The following PIWIL4 variants were observed in gnomAD, a reference collection of about 807,000 sequenced individuals.
PIWIL4 encodes the protein piwi-like protein 4.
Under a neutral mutation model 100.9 loss-of-function variants are expected in PIWIL4, and 50 were observed. The ratio of observed to expected loss-of-function variants is 0.50; its 90% CI spans 0.39 to 0.63. PIWIL4 has a LOEUF of 0.63. PIWIL4 is among the 20% of genes least tolerant of loss of function. The probability of loss-of-function intolerance (pLI) is 0.00; values close to 1 mark genes in which losing one functional copy is unlikely to be tolerated. For missense variants in PIWIL4, 887 were observed against 1,043.3 expected, an observed-to-expected ratio of 0.85 and a Z score of 2.06; for synonymous variants, 342 against 367.5, an observed-to-expected ratio of 0.93 and a Z score of 0.79.
intron 3 of PIWIL4, among the ~76,000 whole-genome samples, chr11:94,577,042 G>T (rs936014688): frequency 3.3e-5 from 5 of 152,178 alleles, no homozygotes; most frequent in Admixed American, 2.6e-4. Context: ...ACAAGGACAG[G>T]AATGTCAGTG....
intron 16 of PIWIL4, chr11:94,617,736 A>G (rs1457193122): frequency 1.6e-5 from 8 of 496,382 alleles, no homozygotes; most frequent in East Asian, 1.3e-4. Flanking sequence ...ATATCATGCC[A>G]TAGAAACCAT....
At chr11:94,569,524 A>T (rs1397422066) in intron 2 of PIWIL4, among the ~76,000 whole-genome samples, 1 of 152,148 alleles carries the variant, frequency 6.6e-6, no homozygotes, top group African/African-American at 2.4e-5. Flanking sequence ...GATTACAGGC[A>T]TGTGCCACCA....
At chr11:94,577,915 G>C (rs1948260669) in intron 4 of PIWIL4, among the ~76,000 whole-genome samples, 1 of 152,174 alleles carries the variant, frequency 6.6e-6, no homozygotes, top group Admixed American at 6.5e-5. Context: ...CTTGTTTGTT[G>C]AGAAGAATGA....
chr11:94,567,975 A>G (rs958933797), intron 1 of PIWIL4, among the ~76,000 whole-genome samples: 2 of 152,062 alleles, frequency 1.3e-5, no homozygotes, highest in African/African-American at 4.8e-5. Context: ...GCTAATTAGT[A>G]TATAAAAATA....
chr11:94,570,315 G>C (rs886156586), intron 2 of PIWIL4, among the ~76,000 whole-genome samples: 1 of 151,946 alleles, frequency 6.6e-6, no homozygotes, highest in African/African-American at 2.4e-5. Context: ...GAGATAAGGT[G>C]GGGACAGGGC....
At position 94,587,211 on chromosome 11, in the gene PIWIL4, G is replaced by A. The variant is rs1428284997; in HGVS notation, c.878G>A (p.Cys293Tyr). The change falls in exon 7 of 20, where the codon TGT becomes TAT. Residue 293 changes from cysteine (C) to tyrosine (Y), a missense_variant. This residue lies in a region of PIWIL4 where 741 missense variants were observed against 930.0 expected (regional missense o/e 0.80). Coordinates refer to ENST00000299001, the MANE Select transcript of PIWIL4 (RefSeq NM_152431.3). ...RTGLSCFTQT[C>Y]EKQLIGLIVL... ...GGCTTGTCCTGTTTCACCCAGACGT[G>A]TGAGAAGCAGCTAATAGGGCTCATT... The A allele has an allele frequency of 6.2e-7, 1 of 1,614,162 alleles. No homozygotes were observed. Among genetic ancestry groups the A allele is most frequent in the Non-Finnish European group, 8.5e-7 (1 of 1,180,022 alleles).
chr11:94,594,257 A>C (rs1948524283), intron 9 of PIWIL4, among the ~76,000 whole-genome samples: 1 of 152,042 alleles, frequency 6.6e-6, no homozygotes, highest in South Asian at 2.1e-4. Flanking sequence ...ACCTGAAGTC[A>C]GGAGTTCGAG....
At chr11:94,600,520 T>C (rs936546512) in intron 11 of PIWIL4, among the ~76,000 whole-genome samples, 1 of 152,042 alleles carries the variant, frequency 6.6e-6, no homozygotes, top group Admixed American at 6.5e-5. Context: ...CTTTACAAGG[T>C]AATAGAATAT....
chr11:94,591,885 A>G (rs1325918160), intron 8 of PIWIL4, among the ~76,000 whole-genome samples: 1 of 152,218 alleles, frequency 6.6e-6, no homozygotes, highest in Non-Finnish European at 1.5e-5. Context: ...TCAAATGCTA[A>G]GAAAATTGGG....
intron 4 of PIWIL4, 106 bp from the exon 5 acceptor site, chr11:94,583,342 G>T: frequency 3.9e-6 from 5 of 1,295,248 alleles, no homozygotes; most frequent in Non-Finnish European, 4.3e-6. Flanking sequence ...AACACCTGCA[G>T]TTTTGTTTTT....
intron 11 of PIWIL4, among the ~76,000 whole-genome samples, chr11:94,600,597 C>A (rs572872236): frequency 6.6e-6 from 1 of 152,114 alleles, no homozygotes; most frequent in African/African-American, 2.4e-5. Context: ...AATAAAGTTT[C>A]GGGCACCGTT....
chr11:94,583,782 T>G (rs1948359438), intron 5 of PIWIL4, among the ~76,000 whole-genome samples: 1 of 152,230 alleles, frequency 6.6e-6, no homozygotes, highest in Non-Finnish European at 1.5e-5. Context: ...TATCCAGTAT[T>G]GTCCTAAGTT....
chr11:94,611,865 CAAAT>C (rs1487359469), intron 15 of PIWIL4, among the ~76,000 whole-genome samples: 1 of 152,158 alleles, frequency 6.6e-6, no homozygotes, highest in Non-Finnish European at 1.5e-5. Flanking sequence ...GACCATGCGT[CAAAT>C]AAACCTTTTT....
At chr11:94,598,705 C>CTTTTTTT (rs769342028) in intron 11 of PIWIL4, among the ~76,000 whole-genome samples, 2 of 110,086 alleles carry the variant, frequency 1.8e-5, no homozygotes, top group African/African-American at 3.6e-5. Context: ...TTTTTTCCAT[C>CTTTTTTT]TTTTTTTTTT....
chr11:94,597,964 T>C, intron 11 of PIWIL4, 49 bp downstream of exon 11: 1 of 1,442,924 alleles, frequency 6.9e-7, no homozygotes, highest in Non-Finnish European at 9.7e-7. Context: ...CTTGAATATG[T>C]GTAAGTTTTG....
chr11:94,603,210 G>T (rs1399405442), intron 12 of PIWIL4, among the ~76,000 whole-genome samples: 1 of 139,824 alleles, frequency 7.2e-6, no homozygotes, highest in African/African-American at 3.0e-5. Flanking sequence ...AGACGGTTCG[G>T]CCAGCCAGTC....
chr11:94,600,568 G>C (rs1296882786), intron 11 of PIWIL4, among the ~76,000 whole-genome samples: 1 of 152,110 alleles, frequency 6.6e-6, no homozygotes, highest in Admixed American at 6.5e-5. Flanking sequence ...TCACAGGACC[G>C]GGCGAAATTA....
At chr11:94,591,589 T>C (rs1948486391) in intron 8 of PIWIL4, among the ~76,000 whole-genome samples, 1 of 152,230 alleles carries the variant, frequency 6.6e-6, no homozygotes, top group Non-Finnish European at 1.5e-5. Flanking sequence ...TCTTGCATGA[T>C]TAAATTTGTT....
At chr11:94,619,191 T>C (rs1364739965) in intron 17 of PIWIL4, among the ~76,000 whole-genome samples, 1 of 152,222 alleles carries the variant, frequency 6.6e-6, no homozygotes, top group Non-Finnish European at 1.5e-5. Context: ...GGATGCCTTT[T>C]GTAATGACAG....
Sources: allele counts gnomAD v4.1 joint callset (sites outside exome capture counted in the v4.1 genomes callset), GRCh38; gene constraint gnomAD v4.1.1; regional missense constraint gnomAD v4.1.1; transcripts MANE v1.5; gene names NCBI Gene and HGNC (gene_info 2026-07-23, HGNC 2026-07-21).